COPG2: variants seen among roughly 807,000 people sequenced by gnomAD.
COPG2 encodes coat protein complex I subunit gamma 2, also known as coatomer subunit gamma-2.
In COPG2, 37 loss-of-function variants were observed where a neutral mutation model predicts 46.3. The ratio of observed to expected loss-of-function variants is 0.80; its 90% CI spans 0.61 to 1.05. The LOEUF (loss-of-function observed/expected upper bound fraction) is 1.05. Ranked by LOEUF, COPG2 falls within the 50% of genes least tolerant of loss-of-function variation. The probability of loss-of-function intolerance (pLI) is 0.00; values close to 1 mark genes in which losing one functional copy is unlikely to be tolerated. For synonymous variants in COPG2, 159 were observed against 129.7 expected, an observed-to-expected ratio of 1.23 and a Z score of -1.53; for missense variants, 427 against 387.8, an observed-to-expected ratio of 1.10 and a Z score of -0.85.
intron 6 of COPG2, among the ~76,000 whole-genome samples, chr7:130,616,566 G>A (rs1238394648): frequency 6.6e-6 from 1 of 152,028 alleles, no homozygotes; most frequent in Non-Finnish European, 1.5e-5. Flanking sequence ...CTCCAGCCTG[G>A]GCGAAAGCAC....
chr7:130,668,514 G>C (rs1200499413), intron 1 of COPG2, 118 bp downstream of exon 1: 3 of 865,944 alleles, frequency 3.5e-6, no homozygotes, highest in African/African-American at 3.6e-5. Context: ...CTCCAGCTCC[G>C]GCCCCCTGGC....
Position 130,554,634 on chromosome 7 carries a change from G to A in COPG2, c.1315C>T (p.Leu439Phe). The change falls in exon 14 of 24, where the codon CTT becomes TTT. Residue 439 changes from leucine (L) to phenylalanine (F), a missense_variant. By Grantham distance (22) the Leu-to-Phe change is conservative. Coordinates refer to ENST00000425248, the MANE Select transcript of COPG2 (RefSeq NM_012133.6). ...TCACAGTCCTCAATGAATTCACAAA[G>A]GTGGGCTAGGCCTGCTTCTTTACTC... ...PESKEAGLAH[L>F]CEFIEDCEHT... is the part of the protein sequence containing the mutation. The A allele has an allele frequency of 2.5e-6, 1 of 398,606 alleles. No homozygotes were observed. Among genetic ancestry groups the A allele is most frequent in the Non-Finnish European group, 4.4e-6 (1 of 226,080 alleles). The allele number at this position is 398,606 out of a possible 1,614,324, so 24.7% of individuals were successfully genotyped here.
At chr7:130,591,975 A>C (rs1380867041) in intron 9 of COPG2, among the ~76,000 whole-genome samples, 6 of 152,162 alleles carry the variant, frequency 3.9e-5, no homozygotes, top group Non-Finnish European at 8.8e-5. Context: ...AAAGGCGGGG[A>C]AAAGATTGAG....
At chr7:130,553,266 T>G (rs1793561658) in intron 14 of COPG2, among the ~76,000 whole-genome samples, 2 of 152,130 alleles carry the variant, frequency 1.3e-5, no homozygotes, top group Non-Finnish European at 1.5e-5. Context: ...AGGGTATGGT[T>G]TAATCTCAAC....
chr7:130,557,578 G>A (rs974082945), intron 12 of COPG2, among the ~76,000 whole-genome samples: 14 of 151,918 alleles, frequency 9.2e-5, no homozygotes, highest in African/African-American at 1.9e-4. Flanking sequence ...AGGTCGAGGC[G>A]GGTGGATCAC....
At chr7:130,619,944 T>C (rs1039260571) in intron 5 of COPG2, among the ~76,000 whole-genome samples, 1 of 152,224 alleles carries the variant, frequency 6.6e-6, no homozygotes, top group Admixed American at 6.5e-5. Flanking sequence ...AATGACTAGC[T>C]TTTTCTGCCA....
Position 130,636,015 on chromosome 7 carries a change from G to C in COPG2, c.323+16854C>G, listed in dbSNP as rs1163931296. Reference sequence around the variant, plus strand: ...CAGTTTCCATGTAGTTGTATGGTTTGAGTGAGTTTCTTAATCCTGAATTCT... The same window carrying C: ...CAGTTTCCATGTAGTTGTATGGTTTCAGTGAGTTTCTTAATCCTGAATTCT... On this transcript the variant is annotated intron_variant, in intron 5 of 23. Coordinates refer to ENST00000425248, the MANE Select transcript of COPG2 (RefSeq NM_012133.6). 2.0e-5 allele frequency among the ~76,000 whole-genome samples: 3 copies of C among 152,278 alleles called. No individual in the cohort carries two copies. The East Asian group carries it at 5.8e-4, about 29-fold the overall frequency.
chr7:130,588,939 C>A (rs1271592068), intron 9 of COPG2, among the ~76,000 whole-genome samples: 1 of 152,122 alleles, frequency 6.6e-6, no homozygotes, highest in Non-Finnish European at 1.5e-5. Context: ...ATATTTACCC[C>A]CCGCCACACA....
At chr7:130,605,381 T>C (rs930676863) in intron 9 of COPG2, 9 of 453,962 alleles carry the variant, frequency 2.0e-5, no homozygotes, top group Admixed American at 1.8e-4. Context: ...GGAACTGTGC[T>C]GATATAATTA....
chr7:130,591,925 C>A (rs546546582), intron 9 of COPG2, among the ~76,000 whole-genome samples: 1 of 152,226 alleles, frequency 6.6e-6, no homozygotes, highest in South Asian at 2.1e-4. Context: ...TGAGAACAGG[C>A]CATGATGACA....
chr7:130,549,850 G>A (rs1271902069), intron 17 of COPG2, among the ~76,000 whole-genome samples: 2 of 151,822 alleles, frequency 1.3e-5, no homozygotes, highest in East Asian at 3.9e-4. Context: ...TTTTATGATT[G>A]TCGCCCATAA....
chr7:130,587,523 C>T (rs1166484374), intron 9 of COPG2, among the ~76,000 whole-genome samples: 1 of 151,522 alleles, frequency 6.6e-6, no homozygotes, highest in Middle Eastern at 3.2e-3. Flanking sequence ...AATTTAAATT[C>T]CTCTTTTAAA....
intron 3 of COPG2, among the ~76,000 whole-genome samples, chr7:130,666,197 TAATA>T (rs560534829): frequency 2.0e-5 from 3 of 152,186 alleles, no homozygotes; most frequent in Non-Finnish European, 4.4e-5. Context: ...AGCATAGGGA[TAATA>T]AATATAAAAT....
Sources: gnomAD v4.1 joint callset for allele counts (sites outside exome capture counted in the v4.1 genomes callset) on GRCh38, gnomAD v4.1.1 for gene constraint, MANE v1.5 for transcripts, NCBI Gene and HGNC (gene_info 2026-07-23, HGNC 2026-07-21) for gene names.